UBR4: variants seen among roughly 807,000 people sequenced by gnomAD.
UBR4 encodes the protein E3 ubiquitin-protein ligase UBR4.
In UBR4, 124 loss-of-function variants were observed where a neutral mutation model predicts 575.6. That is an observed-to-expected ratio of 0.22 (90% CI 0.19 to 0.25). The LOEUF (loss-of-function observed/expected upper bound fraction) is 0.25, where lower values mean the gene tolerates loss of function less well. Among genes scored for constraint, UBR4 ranks in the 10% least tolerant of loss-of-function variants. UBR4 has a pLI of 1.00. For synonymous variants in UBR4, 2,455 were observed against 2,473.7 expected (o/e 0.99, Z 0.22); for missense variants, 4,818 against 6,478.8 (o/e 0.74, Z 8.80).
chr1:19,152,179 C>T lies in UBR4; in HGVS notation c.6996+134G>A. On this transcript the variant is annotated intron_variant, in intron 47 of 105. Coordinates refer to ENST00000375254, the MANE Select transcript of UBR4 (RefSeq NM_020765.3). The surrounding 1 kb of genome is among the most constrained non-coding windows in gnomAD (Gnocchi z 4.4). ...AAGAATATCCATTTTTCTAAGGAAC[C>T]ATTTAACTAGAACCGAGGGTTGTGA... 7.6e-7 allele frequency: 1 copy of T among 1,316,300 alleles called. No individual in the cohort carries two copies. The highest frequency in any genetic ancestry group is 1.4e-5 in the South Asian group (1 of 70,520). 81.5% of individuals were successfully genotyped at this position (1,316,300 alleles called of 1,614,324 possible).
chr1:19,114,066 A>T lies in UBR4; in HGVS notation c.11207T>A (p.Val3736Glu). 6.2e-7 allele frequency: 1 copy of T among 1,610,362 alleles called. No homozygotes were observed. The highest frequency in any genetic ancestry group is 8.5e-7 in the Non-Finnish European group (1 of 1,176,766). Residue 3736 changes from valine to glutamate, a missense_variant, in exon 76 of 106, where the codon GTA (valine) becomes GAA (glutamate). Val to Glu is a moderately radical substitution (Grantham distance 121). Transcript: ENST00000375254. ...IENEEDRKKAVSNINTLLDKA... is the reference protein window; with the variant it reads ...IENEEDRKKAESNINTLLDKA... The stretch of plus-strand genomic sequence containing the variant: ...GTCCAAAAGTGTATTGATGTTGGAT[A>T]CAGCCTAGACAGGAAAAGACAGGGA...
intron 105 of UBR4, among the ~76,000 whole-genome samples, chr1:19,076,139 T>C (rs914731829): frequency 6.6e-6 from 1 of 152,204 alleles, no homozygotes; most frequent in Non-Finnish European, 1.5e-5. Flanking sequence ...TTCTAATGTG[T>C]TTGTTTGCAA....
At chr1:19,162,392 G>A in intron 35 of UBR4, 28 bp downstream of exon 35, 5 of 1,594,812 alleles carry the variant, frequency 3.1e-6, no homozygotes, top group South Asian at 2.3e-5. Context: ...ACCTTGAGAG[G>A]TTAACTTCGA....
intron 28 of UBR4, 59 bp downstream of exon 28, chr1:19,167,968 T>G: frequency 6.8e-7 from 1 of 1,460,750 alleles, no homozygotes; most frequent in Non-Finnish European, 9.1e-7. Flanking sequence ...TCACTGTCCC[T>G]CTTTAACCAC....
In UBR4 at chr1:19,197,786, T is replaced by C; in HGVS notation, c.777A>G (p.Val259=). ...GTAGGAAATATGGCAGGTTCAAACA[T>C]ACACGCAGTAGCTTCTCCGAGCCAC... ...ELGGSEKLLR[V]CLNLPYFLRY... The change falls in exon 7 of 106, where the codon GTA becomes GTG. Residue 259 remains valine (V), a synonymous_variant. Coordinates refer to ENST00000375254, the MANE Select transcript of UBR4 (RefSeq NM_020765.3). 1 of 1,614,140 alleles carries C rather than the reference T, an allele frequency of 6.2e-7. No individual in the cohort carries two copies. The highest frequency in any genetic ancestry group is 8.5e-7 in the Non-Finnish European group (1 of 1,180,034).
Position 19,076,722 on chromosome 1 carries a change from G to GAAAA in UBR4, c.15487+14_15487+17dup. 1 of 1,614,118 alleles carries GAAAA rather than the reference G, an allele frequency of 6.2e-7. No individual in the cohort carries two copies. Among genetic ancestry groups the GAAAA allele is most frequent in the Non-Finnish European group, 8.5e-7 (1 of 1,179,996 alleles). Reference sequence around the variant, plus strand: ...TTTGCTGCGGAGGATCTTTAAAAGAGAAAACCTTGACACTAACCGGCCACA... The same window carrying GAAAA: ...TTTGCTGCGGAGGATCTTTAAAAGAGAAAAAAAACCTTGACACTAACCGGCCACA... On this transcript the variant is annotated intron_variant, in intron 105 of 105. Transcript: ENST00000375254.
intron 29 of UBR4, 90 bp from the exon 30 acceptor site, chr1:19,165,847 T>A: frequency 8.6e-7 from 1 of 1,167,090 alleles, no homozygotes; most frequent in Non-Finnish European, 1.2e-6. Flanking sequence ...AAAGTTTGTC[T>A]GTTTGACCTT....
intron 87 of UBR4, among the ~76,000 whole-genome samples, chr1:19,102,590 A>T (rs1570486929): frequency 6.6e-6 from 1 of 152,170 alleles, no homozygotes; most frequent in African/African-American, 2.4e-5. Context: ...CCATCAGTGA[A>T]CTGCCACACT....
intron 78 of UBR4, among the ~76,000 whole-genome samples, chr1:19,111,243 T>C (rs1445484606): frequency 6.6e-6 from 1 of 152,240 alleles, no homozygotes; most frequent in Admixed American, 6.5e-5. Flanking sequence ...TACGTCTCTT[T>C]GTAACAATGT....
At chr1:19,190,389 G>A (rs1272245420) in intron 11 of UBR4, among the ~76,000 whole-genome samples, 2 of 146,976 alleles carry the variant, frequency 1.4e-5, no homozygotes, top group Non-Finnish European at 3.0e-5. Context: ...GTTCATCACA[G>A]CAATCCAGAA....
At chr1:19,134,808 A>T (rs1277460616) in intron 60 of UBR4, among the ~76,000 whole-genome samples, 2 of 152,030 alleles carry the variant, frequency 1.3e-5, no homozygotes, top group East Asian at 3.9e-4. Context: ...ACTGTAATAC[A>T]TGACTTCCCT....
intron 75 of UBR4, among the ~76,000 whole-genome samples, chr1:19,114,343 G>C (rs2149354502): frequency 6.6e-6 from 1 of 152,304 alleles, no homozygotes; most frequent in South Asian, 2.1e-4. Context: ...GCTGGAATTA[G>C]AATTTCTGTC....
At chr1:19,192,076 C>T in intron 11 of UBR4, 112 bp downstream of exon 11, 2 of 1,224,518 alleles carry the variant, frequency 1.6e-6, no homozygotes, top group South Asian at 3.1e-5. Flanking sequence ...TAAATTCAAG[C>T]CAGGTAGGAA....
intron 3 of UBR4, among the ~76,000 whole-genome samples, chr1:19,199,138 A>C (rs1404443592): frequency 6.6e-6 from 1 of 152,178 alleles, no homozygotes; most frequent in Non-Finnish European, 1.5e-5. Context: ...ATTTGAAGGG[A>C]ATGAAAAGAT....
intron 97 of UBR4, among the ~76,000 whole-genome samples, chr1:19,091,156 G>A (rs2077477041): frequency 1.3e-5 from 2 of 151,644 alleles, no homozygotes; most frequent in Admixed American, 1.3e-4. Flanking sequence ...AACTCATTGT[G>A]TTGCCTTTGG....
chr1:19,112,748 TA>T lies in UBR4; in HGVS notation c.11576del (p.Leu3859TyrfsTer38). The T allele has an allele frequency of 6.2e-7, 1 of 1,614,182 alleles. No individual in the cohort carries two copies. Among genetic ancestry groups the T allele is most frequent in the Non-Finnish European group, 8.5e-7 (1 of 1,180,028 alleles). On this transcript the variant is annotated frameshift_variant, in exon 78 of 106. Coordinates refer to ENST00000375254, the MANE Select transcript of UBR4 (RefSeq NM_020765.3). LOFTEE classifies it high-confidence loss of function. ...PTFTASQYRA[L>X]SVLGCGHTSS... ...ATGTGTGGCCACAGCCCAGGACGGA[TA>T]AGGCACGGTACTGGCTGGCAGTGAA...
At chr1:19,200,735 C>T (rs1407857984) in intron 2 of UBR4, among the ~76,000 whole-genome samples, 1 of 152,200 alleles carries the variant, frequency 6.6e-6, no homozygotes, top group Non-Finnish European at 1.5e-5. Context: ...GTAGCCAGAG[C>T]TTATAATAAA....
intron 78 of UBR4, 149 bp downstream of exon 78, chr1:19,112,375 C>G: frequency 3.3e-6 from 3 of 917,976 alleles, no homozygotes; most frequent in South Asian, 3.4e-5. Flanking sequence ...CACCTACACC[C>G]TGTGTCTCTT....
Position 19,110,316 on chromosome 1 carries a change from C to A in UBR4, c.11977+64G>T, listed in dbSNP as rs1012658320. 3.7e-5 allele frequency: 60 copies of A among 1,612,810 alleles called. 1 individual carries two copies. The highest frequency in any genetic ancestry group is 3.5e-5 in the Non-Finnish European group (41 of 1,179,018). The stretch of plus-strand genomic sequence containing the variant: ...CAAGCATCAGTTTCCCTCCTCCCCT[C>A]CCAGTCCGGCCAGGACTGCTCCTTT... On this transcript the variant is annotated intron_variant, in intron 80 of 105. Coordinates refer to ENST00000375254, the MANE Select transcript of UBR4 (RefSeq NM_020765.3). This position sits in a 1 kb window ranked among gnomAD's most constrained non-coding sequence, Gnocchi z 4.5.
Sources: allele counts gnomAD v4.1 joint callset (sites outside exome capture counted in the v4.1 genomes callset), GRCh38; gene constraint gnomAD v4.1.1; non-coding constraint Gnocchi (gnomAD v3.1); transcripts MANE v1.5; gene names NCBI Gene and HGNC (gene_info 2026-07-23, HGNC 2026-07-21).